The following GRHL2 variants were observed in gnomAD, a reference collection of about 807,000 sequenced individuals.
The protein encoded by GRHL2 is grainyhead like transcription factor 2, also known as grainyhead-like protein 2 homolog.
In GRHL2, 21 loss-of-function variants were observed where a neutral mutation model predicts 83.8. The ratio of observed to expected loss-of-function variants is 0.25; its 90% CI spans 0.18 to 0.36. GRHL2 has a LOEUF of 0.36. Ranked by LOEUF, GRHL2 falls within the 10% of genes least tolerant of loss-of-function variation. The pLI is 1.00. For missense variants in GRHL2, 623 were observed against 781.8 expected (o/e 0.80, Z 2.42); for synonymous variants, 280 against 278.9 (o/e 1.00, Z -0.04).
chr8:101,658,163 G>C (rs1813840178), intron 14 of GRHL2, among the ~76,000 whole-genome samples: 1 of 152,248 alleles, frequency 6.6e-6, no homozygotes, highest in Non-Finnish European at 1.5e-5. Flanking sequence ...TTGATGCTGA[G>C]AGTTGCACTG....
At chr8:101,578,574 G>A (rs1249450650) in intron 7 of GRHL2, among the ~76,000 whole-genome samples, 1 of 152,176 alleles carries the variant, frequency 6.6e-6, no homozygotes, top group Non-Finnish European at 1.5e-5. Context: ...TAATGTATGT[G>A]TTTCCAAATA....
At chr8:101,595,309 AC>A (rs1235219531) in intron 7 of GRHL2, among the ~76,000 whole-genome samples, 1 of 152,218 alleles carries the variant, frequency 6.6e-6, no homozygotes, top group African/African-American at 2.4e-5. Flanking sequence ...TACAATTTTA[AC>A]AGAAGACATT....
intron 2 of GRHL2, among the ~76,000 whole-genome samples, chr8:101,546,994 C>T (rs959762111): frequency 2.6e-5 from 4 of 152,178 alleles, no homozygotes; most frequent in African/African-American, 9.7e-5. Context: ...AGTTACATAG[C>T]TTCTTTTATT....
chr8:101,638,171 C>A (rs561105865), intron 12 of GRHL2, among the ~76,000 whole-genome samples: 1 of 152,214 alleles, frequency 6.6e-6, no homozygotes, highest in Admixed American at 6.5e-5. Flanking sequence ...AAACTACAGT[C>A]AAACCAGGGC....
chr8:101,647,728 T>G (rs1223690294), intron 13 of GRHL2, among the ~76,000 whole-genome samples: 1 of 145,750 alleles, frequency 6.9e-6, no homozygotes, highest in Non-Finnish European at 1.5e-5. Context: ...CAATACCTGT[T>G]CATTATTTTC....
intron 13 of GRHL2, 72 bp downstream of exon 13, chr8:101,644,297 C>G: frequency 1.6e-6 from 2 of 1,250,464 alleles, no homozygotes; most frequent in East Asian, 2.5e-5. Context: ...GCTTGCAGCC[C>G]TCTTGCCCAG....
At chr8:101,665,036 T>G (rs1028632532) in intron 15 of GRHL2, among the ~76,000 whole-genome samples, 2 of 152,206 alleles carry the variant, frequency 1.3e-5, no homozygotes, top group African/African-American at 4.8e-5. Flanking sequence ...GGTCCCTTCC[T>G]AAGTACTTTA....
chr8:101,635,941 T>G (rs1429342638), intron 11 of GRHL2, among the ~76,000 whole-genome samples: 2 of 152,140 alleles, frequency 1.3e-5, no homozygotes, highest in Non-Finnish European at 2.9e-5. Flanking sequence ...AGGTTGTCTA[T>G]CTAGACACAG....
downstream of GRHL2, among the ~76,000 whole-genome samples, chr8:101,673,581 A>T (rs138219604): frequency 3.3e-3 from 503 of 150,722 alleles, 1 homozygote; most frequent in Middle Eastern, 0.024. Context: ...AAGTCCTTAG[A>T]GACCTACAAA....
At chr8:101,543,891 C>CG (rs1811207677) in intron 2 of GRHL2, 1 of 210,816 alleles carries the variant, frequency 4.7e-6, no homozygotes, top group Non-Finnish European at 9.5e-6. Flanking sequence ...GGGGAGGCCT[C>CG]AGAATCATGG....
rs762832772 is a variant in GRHL2, at chr8:101,584,860, CAGGTGGTCAGGTGGCT to C, written c.1003+7352_1003+7367del. Among the ~76,000 whole-genome samples the C allele has an allele frequency of 1.5e-3, 229 of 151,252 alleles. 1 individual carries two copies. Among genetic ancestry groups the C allele is most frequent in the Non-Finnish European group, 2.6e-3 (175 of 67,682 alleles). On this transcript the variant is annotated intron_variant, in intron 7 of 15. Transcript: ENST00000646743. ...TCAGGTGGCTAGGTGGTCAAATGGC[CAGGTGGTCAGGTGGCT>C]AGGTGGTCAGATGGTCAGGTGGTCA...
At chr8:101,610,526 A>G (rs1812726716) in intron 8 of GRHL2, among the ~76,000 whole-genome samples, 1 of 150,934 alleles carries the variant, frequency 6.6e-6, no homozygotes, top group Non-Finnish European at 1.5e-5. Flanking sequence ...ACCAGCTGAG[A>G]GACTAGGTGT....
At position 101,595,887 on chromosome 8, in the gene GRHL2, G is replaced by T. The variant is rs968938065; in HGVS notation, c.1004-3170G>T. ...TGTAATCTCAGCACTTTGGGAGGCC[G>T]AGGCGGGTGGATCACGAGGTCAGGA... On this transcript the variant is annotated intron_variant, in intron 7 of 15. Coordinates refer to ENST00000646743, the MANE Select transcript of GRHL2 (RefSeq NM_024915.4). Among the ~76,000 whole-genome samples, 3 of 152,204 alleles carry T rather than the reference G, an allele frequency of 2.0e-5. No individual in the cohort carries two copies. The South Asian group carries it at 6.2e-4, about 32-fold the overall frequency.
chr8:101,608,543 G>C (rs1812676312), intron 8 of GRHL2, among the ~76,000 whole-genome samples: 1 of 152,030 alleles, frequency 6.6e-6, no homozygotes, highest in South Asian at 2.1e-4. Flanking sequence ...AGTGACAGTG[G>C]GTCTATGGGA....
At chr8:101,553,249 G>A (rs1247387744) in intron 3 of GRHL2, among the ~76,000 whole-genome samples, 4 of 152,242 alleles carry the variant, frequency 2.6e-5, no homozygotes, top group African/African-American at 9.6e-5. Flanking sequence ...CTGTCAGGGT[G>A]AAGGGGCAGG....
intron 14 of GRHL2, among the ~76,000 whole-genome samples, chr8:101,652,333 GTGTGTGTA>G (rs1813645570): frequency 2.9e-5 from 3 of 105,016 alleles, no homozygotes; most frequent in Non-Finnish European, 5.4e-5. Context: ...TGTGTGTGGT[GTGTGTGTA>G]TGTGTGTGGT....
chr8:101,619,439 TG>T, intron 8 of GRHL2, 99 bp from the exon 9 acceptor site: 1 of 944,848 alleles, frequency 1.1e-6, no homozygotes, highest in Non-Finnish European at 1.7e-6. Context: ...GTTGTCTTTA[TG>T]GGGTTGTTTA....
At chr8:101,533,605 G>A (rs1472796545) in intron 1 of GRHL2, among the ~76,000 whole-genome samples, 1 of 152,152 alleles carries the variant, frequency 6.6e-6, no homozygotes, top group Non-Finnish European at 1.5e-5. Context: ...GGCTGTTATG[G>A]AAAAAAGAAA....
At chr8:101,521,488 T>C (rs1298759308) in intron 1 of GRHL2, among the ~76,000 whole-genome samples, 1 of 152,204 alleles carries the variant, frequency 6.6e-6, no homozygotes, top group Admixed American at 6.5e-5. Context: ...TGTAGCACCC[T>C]GTACTTTTCT....
Sources: allele counts gnomAD v4.1 joint callset (sites outside exome capture counted in the v4.1 genomes callset), GRCh38; gene constraint gnomAD v4.1.1; transcripts MANE v1.5; gene names NCBI Gene and HGNC (gene_info 2026-07-23, HGNC 2026-07-21).